The following DOCK10 variants were observed in gnomAD, a reference collection of about 807,000 sequenced individuals.
DOCK10 encodes the protein dedicator of cytokinesis 10.
In DOCK10, 145 loss-of-function variants were observed where a neutral mutation model predicts 280.1. That is an observed-to-expected ratio of 0.52 (90% CI 0.45 to 0.59). DOCK10 has a LOEUF of 0.59. Among genes scored for constraint, DOCK10 ranks in the 20% least tolerant of loss-of-function variants. The pLI is 0.00. For missense variants in DOCK10, 2,368 were observed against 2,651.7 expected (o/e 0.89, Z 2.35); for synonymous variants, 915 against 942.2 (o/e 0.97, Z 0.53).
intron 28 of DOCK10, among the ~76,000 whole-genome samples, chr2:224,822,674 GT>G (rs1261012428): frequency 1.3e-5 from 2 of 152,094 alleles, no homozygotes; most frequent in Non-Finnish European, 2.9e-5. Flanking sequence ...GATCATGCCA[GT>G]GTGCTCCAGC....
intron 3 of DOCK10, among the ~76,000 whole-genome samples, chr2:224,897,386 T>C (rs1366265664): frequency 6.6e-6 from 1 of 152,218 alleles, no homozygotes; most frequent in Admixed American, 6.5e-5. Context: ...CCCTCAAGCA[T>C]TTATCGTTTG....
intron 14 of DOCK10, chr2:224,860,492 T>A (rs1213375834): frequency 3.9e-5 from 6 of 152,076 alleles, no homozygotes; most frequent in Admixed American, 3.3e-4. Context: ...TTTTGTAGAT[T>A]AAAAAAATAG....
At chr2:225,019,921 C>T (rs1259802688) in intron 1 of DOCK10, among the ~76,000 whole-genome samples, 1 of 152,162 alleles carries the variant, frequency 6.6e-6, no homozygotes, top group Non-Finnish European at 1.5e-5. Flanking sequence ...AAAGCTGAAC[C>T]AACAAGCTGA....
At chr2:224,828,148 C>T (rs957407972) in intron 27 of DOCK10, among the ~76,000 whole-genome samples, 12 of 152,138 alleles carry the variant, frequency 7.9e-5, no homozygotes, top group Non-Finnish European at 1.5e-4. Context: ...CAGCTGGGGG[C>T]TTGCTGGGCC....
chr2:224,804,939 TTAAA>T (rs1443865638), intron 37 of DOCK10, 98 bp from the exon 38 acceptor site: 1 of 1,238,804 alleles, frequency 8.1e-7, no homozygotes, highest in East Asian at 2.6e-5. Flanking sequence ...TAAATTTTCT[TTAAA>T]TAGTTCATAT....
At chr2:224,828,678 C>T (rs1426293163) in intron 27 of DOCK10, among the ~76,000 whole-genome samples, 1 of 152,072 alleles carries the variant, frequency 6.6e-6, no homozygotes, top group Non-Finnish European at 1.5e-5. Context: ...CAGGGATCAC[C>T]AAAACAACAG....
intron 1 of DOCK10, among the ~76,000 whole-genome samples, chr2:224,967,085 T>A (rs1704794361): frequency 1.3e-5 from 2 of 150,896 alleles, no homozygotes; most frequent in South Asian, 4.2e-4. Context: ...CTCTAGTCTT[T>A]TTTTTTTTTT....
intron 4 of DOCK10, among the ~76,000 whole-genome samples, chr2:224,886,886 A>ACCG (rs879598680): frequency 2.2e-5 from 3 of 135,192 alleles, no homozygotes; most frequent in African/African-American, 9.1e-5. Context: ...AGCACCCCCA[A>ACCG]CACCCCCCCA....
chr2:224,903,859 A>G (rs1390983901), intron 3 of DOCK10, among the ~76,000 whole-genome samples: 3 of 152,240 alleles, frequency 2.0e-5, no homozygotes, highest in Non-Finnish European at 4.4e-5. Context: ...ATTTGGAAAC[A>G]AGACTATTAT....
rs187458537 is a variant in DOCK10 at position 224,891,049 on chromosome 2, T to C, written c.417-4518A>G. Among the ~76,000 whole-genome samples the C allele has an allele frequency of 9.9e-5, 15 of 152,148 alleles. No homozygotes were observed. In the East Asian group the frequency reaches 1.4e-3, roughly 14 times the overall value. On this transcript the variant is annotated intron_variant, in intron 4 of 55. Transcript: ENST00000258390. ...TAAAATGACCAAAAAATAAACCAAA[T>C]TGATAGATGTCTAGAAGGATGGATG...
At chr2:224,887,888 C>T (rs1699402722) in intron 4 of DOCK10, among the ~76,000 whole-genome samples, 1 of 152,188 alleles carries the variant, frequency 6.6e-6, no homozygotes, top group Admixed American at 6.5e-5. Flanking sequence ...CTCTAGACTT[C>T]ATCCTGCACA....
rs373128485 is a variant in DOCK10, at chr2:224,786,976, A to T, written c.5655+46T>A. ...CATAAAGAATGAAAGACAACATTCA[A>T]CTGCTCAGCAGAATTTATGGGCCGT... On this transcript the variant is annotated intron_variant, in intron 50 of 55. Coordinates refer to ENST00000258390, the MANE Select transcript of DOCK10 (RefSeq NM_014689.3). This position sits in a 1 kb window ranked among gnomAD's most constrained non-coding sequence, Gnocchi z 4.7. 14 of 1,389,528 alleles carry T rather than the reference A, an allele frequency of 1.0e-5. No homozygotes were observed. Among genetic ancestry groups the T allele is most frequent in the Non-Finnish European group, 1.3e-5 (13 of 975,234 alleles). The allele number at this position is 1,389,528 out of a possible 1,614,324, so 86.1% of individuals were successfully genotyped here.
chr2:224,810,849 G>A (rs1693723568), intron 31 of DOCK10, among the ~76,000 whole-genome samples: 1 of 151,900 alleles, frequency 6.6e-6, no homozygotes, highest in African/African-American at 2.4e-5. Context: ...ATTCCATGGT[G>A]TATATGTGCC....
Position 224,805,279 on chromosome 2 carries a change from A to G in DOCK10, c.3978T>C (p.Phe1326=), listed in dbSNP as rs4674940. The change falls in exon 36 of 56, where the codon TTT becomes TTC. Residue 1326 remains phenylalanine (F), a synonymous_variant. Coordinates refer to ENST00000258390, the MANE Select transcript of DOCK10 (RefSeq NM_014689.3). The surrounding 1 kb of genome is among the most constrained non-coding windows in gnomAD (Gnocchi z 4.3). The part of the protein sequence containing the change: ...PLSLIGSTLR[F]DKLDQAETRS... ...TGGTTTCTGCTTGATCTAACTTGTC[A>G]AATCGAAGAGTTGAGCCAATCAAAG... The G allele has an allele frequency of 0.039, 62,497 of 1,612,930 alleles. 2,348 individuals are homozygous for G. Among genetic ancestry groups the G allele is most frequent in the African/African-American group, 0.2 (14,854 of 74,844 alleles).
chr2:224,872,469 C>A (rs2125675536), intron 11 of DOCK10, among the ~76,000 whole-genome samples: 1 of 152,326 alleles, frequency 6.6e-6, no homozygotes, highest in African/African-American at 2.4e-5. Flanking sequence ...AACGGCACAT[C>A]TCATTTGAGT....
At position 224,786,982 on chromosome 2, in the gene DOCK10, C is replaced by G; in HGVS notation, c.5655+40G>C. ...GAATGAAAGACAACATTCAACTGCT[C>G]AGCAGAATTTATGGGCCGTGTTATT... On this transcript the variant is annotated intron_variant, in intron 50 of 55. Transcript: ENST00000258390. The surrounding 1 kb of genome is among the most constrained non-coding windows in gnomAD (Gnocchi z 4.7). 1.4e-6 allele frequency: 2 copies of G among 1,438,414 alleles called. No individual in the cohort carries two copies. The highest frequency in any genetic ancestry group is 2.0e-6 in the Non-Finnish European group (2 of 1,020,002). 89.1% of individuals were successfully genotyped at this position (1,438,414 alleles called of 1,614,324 possible). A position where few individuals can be genotyped will look rare whatever the true frequency, so the allele number is the denominator to read the frequency against.
At chr2:224,935,873 G>A (rs906269060) in intron 1 of DOCK10, among the ~76,000 whole-genome samples, 4 of 152,002 alleles carry the variant, frequency 2.6e-5, no homozygotes, top group Non-Finnish European at 5.9e-5. Context: ...TTCCTTTTCC[G>A]GGATTCTATC....
intron 1 of DOCK10, among the ~76,000 whole-genome samples, chr2:225,038,983 G>A (rs1228346899): frequency 6.6e-6 from 1 of 152,030 alleles, no homozygotes; most frequent in Non-Finnish European, 1.5e-5. Context: ...TTTTTAAAAA[G>A]TCTTTTCTTT....
intron 25 of DOCK10, among the ~76,000 whole-genome samples, chr2:224,836,846 G>A (rs1052702859): frequency 3.3e-5 from 5 of 151,944 alleles, no homozygotes; most frequent in Admixed American, 1.3e-4. Context: ...TGATCCGCCC[G>A]CCTCGGCCTC....
Sources: gnomAD v4.1 joint callset for allele counts (sites outside exome capture counted in the v4.1 genomes callset) on GRCh38, gnomAD v4.1.1 for gene constraint, Gnocchi (gnomAD v3.1) non-coding constraint, MANE v1.5 for transcripts, NCBI Gene and HGNC (gene_info 2026-07-23, HGNC 2026-07-21) for gene names.